The following PAPPA variants were observed in gnomAD, a reference collection of about 807,000 sequenced individuals.
PAPPA encodes the protein pappalysin 1.
In PAPPA, 60 loss-of-function variants were observed where a neutral mutation model predicts 164.0. That is an observed-to-expected ratio of 0.37 (90% confidence interval 0.30 to 0.45). The LOEUF is 0.45. Among genes scored for constraint, PAPPA ranks in the 20% least tolerant of loss-of-function variants. The pLI, the probability that PAPPA is intolerant of heterozygous loss-of-function variation, is 1.00. For synonymous variants in PAPPA, 875 were observed against 814.1 expected (o/e 1.07, Z -1.27); for missense variants, 1,782 against 2,087.3 (o/e 0.85, Z 2.85).
chr9:116,200,091 A>G (rs991463601), intron 2 of PAPPA, among the ~76,000 whole-genome samples: 4 of 152,122 alleles, frequency 2.6e-5, no homozygotes, highest in Admixed American at 6.5e-5. Context: ...TATCCAAACT[A>G]TAGCACAGAT....
intron 21 of PAPPA, among the ~76,000 whole-genome samples, chr9:116,390,906 C>T (rs1381510215): frequency 6.6e-6 from 1 of 152,114 alleles, no homozygotes; most frequent in Non-Finnish European, 1.5e-5. Flanking sequence ...TTATTGAGCC[C>T]ATATTTTATG....
chr9:116,396,275 T>C (rs1453232108), intron 21 of PAPPA, among the ~76,000 whole-genome samples: 1 of 152,192 alleles, frequency 6.6e-6, no homozygotes, highest in Non-Finnish European at 1.5e-5. Context: ...TACATTGCCT[T>C]ACCCCATAGC....
intron 2 of PAPPA, among the ~76,000 whole-genome samples, chr9:116,193,913 G>A (rs1457360091): frequency 6.6e-6 from 1 of 152,228 alleles, no homozygotes; most frequent in African/African-American, 2.4e-5. Context: ...GGAGAAGTTA[G>A]GAAAGGTTTA....
intron 9 of PAPPA, among the ~76,000 whole-genome samples, chr9:116,299,494 G>A (rs16933400): frequency 0.037 from 5,655 of 152,126 alleles, 375 homozygotes; most frequent in African/African-American, 0.13. Flanking sequence ...CTGTCATTCC[G>A]AGAGGTTTTT....
chr9:116,176,857 A>C (rs1187791676), intron 1 of PAPPA, among the ~76,000 whole-genome samples: 1 of 152,128 alleles, frequency 6.6e-6, no homozygotes, highest in African/African-American at 2.4e-5. Flanking sequence ...CCAAGGTCTG[A>C]TTATAGCAAA....
intron 13 of PAPPA, among the ~76,000 whole-genome samples, chr9:116,339,978 G>A (rs1380078604): frequency 6.6e-6 from 1 of 152,112 alleles, no homozygotes; most frequent in African/African-American, 2.4e-5. Context: ...AAGAAGAAAA[G>A]AAAAACGTTA....
chr9:116,334,837 C>T (rs764413689), intron 12 of PAPPA, 24 bp from the exon 13 acceptor site: 61 of 1,583,984 alleles, frequency 3.9e-5, no homozygotes, highest in Non-Finnish European at 4.8e-5. Flanking sequence ...CCTGGCCCCT[C>T]GGCCCCTCTG....
At chr9:116,327,868 A>G (rs556663041) in intron 10 of PAPPA, among the ~76,000 whole-genome samples, 1 of 152,346 alleles carries the variant, frequency 6.6e-6, no homozygotes, top group Non-Finnish European at 1.5e-5. Context: ...TTTGCAGATC[A>G]ACTAGGGCTT....
chr9:116,398,697 A>G lies in PAPPA; in HGVS notation c.*2081A>G, dbSNP rs1476603845. 1 of 485,540 alleles carries G rather than the reference A, an allele frequency of 2.1e-6. No homozygotes were observed. Among genetic ancestry groups the G allele is most frequent in the African/African-American group, 2.0e-5 (1 of 50,734 alleles). The allele number at this position is 485,540 out of a possible 1,614,324, so 30.1% of individuals were successfully genotyped here. A position where few individuals can be genotyped will look rare whatever the true frequency, so the allele number is the denominator to read the frequency against. ...GTTTATGAGACTTGTACCATTTCAC[A>G]AACTCTGAAATTGGGTTCCATATTG... On this transcript the variant is annotated 3_prime_UTR_variant, in exon 22 of 22. Coordinates refer to ENST00000328252, the MANE Select transcript of PAPPA (RefSeq NM_002581.5).
At position 116,399,979 on chromosome 9, in the gene PAPPA, G is replaced by A. The variant is rs1847025347; in HGVS notation, c.*3363G>A. On this transcript the variant is annotated 3_prime_UTR_variant, in exon 22 of 22. Transcript: ENST00000328252. ...TCCCTTCCAGGTTCGATTTAACTTG[G>A]TTGTAATTGTCAATTTGTTGTTATA... is the stretch of plus-strand genomic sequence containing the variant. 6.6e-6 allele frequency: 1 copy of A among 152,480 alleles called. No individual in the cohort carries two copies. The highest frequency in any genetic ancestry group is 1.5e-5 in the Non-Finnish European group (1 of 68,012). The allele number at this position is 152,480 out of a possible 1,614,324, so 9.4% of individuals were successfully genotyped here.
chr9:116,315,970 T>C (rs1885984), intron 10 of PAPPA, among the ~76,000 whole-genome samples: 146,031 of 152,248 alleles, frequency 0.96, 70,327 homozygotes, highest in South Asian at 1. Flanking sequence ...TGTCAACCAC[T>C]GTATGAGGTA....
chr9:116,310,138 T>C (rs1845697599), intron 10 of PAPPA, among the ~76,000 whole-genome samples: 1 of 152,156 alleles, frequency 6.6e-6, no homozygotes. Flanking sequence ...CAGGAAGAAA[T>C]CCTGTGCTCT....
chr9:116,235,566 G>C lies in PAPPA; in HGVS notation c.2661G>C (p.Lys887Asn), dbSNP rs370416357. The change falls in exon 7 of 22, where the codon AAG becomes AAC. Residue 887 changes from lysine (K) to asparagine (N), a missense_variant. This residue lies in a region of PAPPA where 1,324 missense variants were observed against 1,656.9 expected (regional missense o/e 0.80). Transcript: ENST00000328252. ...TACAGTGTAAGCCCCTGAAGTATAA[G>C]GTGGTCCGGGACCCTCCTCTCCAGA... is the stretch of plus-strand genomic sequence containing the variant. ...LCLQCKPLKYKVVRDPPLQMD... is the reference protein window; with the variant it reads ...LCLQCKPLKYNVVRDPPLQMD... The C allele has an allele frequency of 6.2e-7, 1 of 1,613,496 alleles. No homozygotes were observed. Among genetic ancestry groups the C allele is most frequent in the African/African-American group, 1.3e-5 (1 of 74,910 alleles).
At chr9:116,201,596 G>T (rs150562178) in intron 2 of PAPPA, among the ~76,000 whole-genome samples, 1 of 152,158 alleles carries the variant, frequency 6.6e-6, no homozygotes, top group Non-Finnish European at 1.5e-5. Context: ...GGTTTTTCAT[G>T]AGTTGGGTAC....
intron 1 of PAPPA, among the ~76,000 whole-genome samples, chr9:116,185,994 A>G (rs1264703959): frequency 6.6e-6 from 1 of 152,066 alleles, no homozygotes; most frequent in Non-Finnish European, 1.5e-5. Context: ...TTGACCTTCA[A>G]CCTGTCTCTC....
intron 1 of PAPPA, among the ~76,000 whole-genome samples, chr9:116,157,733 C>T (rs1194389751): frequency 1.3e-5 from 2 of 152,114 alleles, no homozygotes; most frequent in Non-Finnish European, 2.9e-5. Flanking sequence ...CACCTCTCAC[C>T]CCACACGGAC....
rs1308709195 is a variant in PAPPA at position 116,399,992 on chromosome 9, A to G, written c.*3376A>G. 6.6e-6 allele frequency: 1 copy of G among 152,520 alleles called. No individual in the cohort carries two copies. The allele number at this position is 152,520 out of a possible 1,614,324, so 9.4% of individuals were successfully genotyped here. ...CGATTTAACTTGGTTGTAATTGTCA[A>G]TTTGTTGTTATAGGTCTTACCTGTG... On this transcript the variant is annotated 3_prime_UTR_variant, in exon 22 of 22. Coordinates refer to ENST00000328252, the MANE Select transcript of PAPPA (RefSeq NM_002581.5).
chr9:116,311,828 G>A (rs1845721635), intron 10 of PAPPA, among the ~76,000 whole-genome samples: 1 of 152,212 alleles, frequency 6.6e-6, no homozygotes, highest in African/African-American at 2.4e-5. Context: ...ATTGAATCTG[G>A]AGAAGGAACA....
intron 13 of PAPPA, among the ~76,000 whole-genome samples, chr9:116,342,656 A>G (rs1465148005): frequency 6.6e-6 from 1 of 152,188 alleles, no homozygotes; most frequent in Non-Finnish European, 1.5e-5. Flanking sequence ...AACAAAAAAC[A>G]AAAAACAAAA....
Sources: allele counts gnomAD v4.1 joint callset (sites outside exome capture counted in the v4.1 genomes callset), GRCh38; gene constraint gnomAD v4.1.1; regional missense constraint gnomAD v4.1.1; transcripts MANE v1.5; gene names NCBI Gene and HGNC (gene_info 2026-07-23, HGNC 2026-07-21).